The following CTNNA3 variants were observed in gnomAD, a reference collection of about 807,000 sequenced individuals.
CTNNA3 encodes the protein catenin alpha 3, also known as catenin alpha-3.
A neutral mutation model predicts 95.7 loss-of-function variants in CTNNA3; 76 were observed. The observed-to-expected ratio is 0.79, with a 90% confidence interval of 0.66 to 0.96. The LOEUF is 0.96. Ranked by LOEUF, CTNNA3 falls within the 40% of genes least tolerant of loss-of-function variation. CTNNA3 has a pLI of 0.00. For missense variants in CTNNA3, 1,191 were observed against 1,089.8 expected, an observed-to-expected ratio of 1.09 and a Z score of -1.31; for synonymous variants, 431 against 374.4, an observed-to-expected ratio of 1.15 and a Z score of -1.74.
intron 7 of CTNNA3, among the ~76,000 whole-genome samples, chr10:67,054,110 C>T (rs1325080370): frequency 2.0e-5 from 3 of 152,112 alleles, no homozygotes; most frequent in African/African-American, 7.2e-5. Flanking sequence ...GTATCCATCG[C>T]TCCTTTATAA....
intron 12 of CTNNA3, among the ~76,000 whole-genome samples, chr10:66,284,954 C>T (rs543209160): frequency 3.3e-4 from 50 of 151,744 alleles, no homozygotes; most frequent in African/African-American, 1.1e-3. Flanking sequence ...TCAATAAATG[C>T]TAATTATTGT....
intron 5 of CTNNA3, among the ~76,000 whole-genome samples, chr10:67,507,281 G>A (rs1839455307): frequency 6.6e-6 from 1 of 152,300 alleles, no homozygotes; most frequent in African/African-American, 2.4e-5. Context: ...TGTAATCCCA[G>A]CACTTTGGGA....
intron 5 of CTNNA3, among the ~76,000 whole-genome samples, chr10:67,385,621 A>G (rs184832241): frequency 7.9e-5 from 12 of 152,322 alleles, no homozygotes; most frequent in Admixed American, 7.2e-4. Context: ...AGAAGGAATC[A>G]TATATAGGAG....
At chr10:66,688,501 G>A (rs745328587) in intron 9 of CTNNA3, among the ~76,000 whole-genome samples, 1 of 152,086 alleles carries the variant, frequency 6.6e-6, no homozygotes, top group Admixed American at 6.5e-5. Flanking sequence ...TTAGGTCAAA[G>A]AACGAATGAT....
intron 12 of CTNNA3, among the ~76,000 whole-genome samples, chr10:66,293,406 T>A (rs909330927): frequency 1.3e-5 from 2 of 150,850 alleles, no homozygotes; most frequent in African/African-American, 4.9e-5. Flanking sequence ...GAGTTGAGAT[T>A]GTAATATCTA....
chr10:67,365,269 A>G (rs1376172657), intron 5 of CTNNA3, among the ~76,000 whole-genome samples: 3 of 152,174 alleles, frequency 2.0e-5, no homozygotes, highest in African/African-American at 7.2e-5. Flanking sequence ...CACCATAAAA[A>G]CCCTAGAAGA....
At chr10:67,277,085 T>C (rs1177793303) in intron 5 of CTNNA3, among the ~76,000 whole-genome samples, 1 of 152,192 alleles carries the variant, frequency 6.6e-6, no homozygotes, top group Non-Finnish European at 1.5e-5. Flanking sequence ...GTTACCTTTT[T>C]TCTAATTCAT....
chr10:67,412,507 T>C (rs1483059904), intron 5 of CTNNA3, among the ~76,000 whole-genome samples: 2 of 151,826 alleles, frequency 1.3e-5, no homozygotes, highest in African/African-American at 4.8e-5. Context: ...ATACAGAGAA[T>C]TTCAGCCAGA....
In CTNNA3 at chr10:67,269,519, T is replaced by C. The variant is rs147701566; in HGVS notation, c.580-49649A>G. ...CAAGCAACACATGCATTGAGCTCTGTAAACTCTGTTTATGTTATTAATCAG... is the reference window on the plus strand; with the variant it reads ...CAAGCAACACATGCATTGAGCTCTGCAAACTCTGTTTATGTTATTAATCAG... On this transcript the variant is annotated intron_variant, in intron 5 of 17. Transcript: ENST00000433211. Among the ~76,000 whole-genome samples the C allele has an allele frequency of 5.3e-4, 80 of 152,280 alleles. 1 individual carries two copies. The East Asian group carries it at 0.014, about 26-fold the overall frequency.
intron 15 of CTNNA3, among the ~76,000 whole-genome samples, chr10:66,027,930 AT>A (rs2079373736): frequency 6.6e-6 from 1 of 152,178 alleles, no homozygotes; most frequent in Non-Finnish European, 1.5e-5. Flanking sequence ...AATGTTGACA[AT>A]GACAGATTAA....
intron 10 of CTNNA3, among the ~76,000 whole-genome samples, chr10:66,621,064 A>T (rs990415842): frequency 2.0e-5 from 3 of 152,304 alleles, no homozygotes; most frequent in African/African-American, 7.2e-5. Flanking sequence ...CACTCTTCAG[A>T]TTTTAAGAAA....
intron 5 of CTNNA3, among the ~76,000 whole-genome samples, chr10:67,244,706 G>C (rs768855405): frequency 6.6e-6 from 1 of 152,248 alleles, no homozygotes; most frequent in East Asian, 1.9e-4. Context: ...AGCATGAAAA[G>C]CTTAAGAAAT....
intron 11 of CTNNA3, among the ~76,000 whole-genome samples, chr10:66,399,421 G>A (rs937010712): frequency 4.1e-4 from 63 of 151,882 alleles, no homozygotes; most frequent in African/African-American, 1.5e-3. Context: ...TAGCCTGAAT[G>A]ATAAACATAA....
intron 5 of CTNNA3, among the ~76,000 whole-genome samples, chr10:67,494,584 C>T (rs1408285952): frequency 2.0e-5 from 3 of 152,120 alleles, no homozygotes; most frequent in Admixed American, 1.3e-4. Flanking sequence ...ATTGTGGAGG[C>T]TATTTGGACC....
chr10:67,633,063 T>TG (rs1421568820), intron 2 of CTNNA3, among the ~76,000 whole-genome samples: 4 of 151,948 alleles, frequency 2.6e-5, no homozygotes, highest in Non-Finnish European at 5.9e-5. Flanking sequence ...AGAATACAAA[T>TG]GGTCCAGACA....
At chr10:66,463,311 T>C (rs1042671721) in intron 11 of CTNNA3, among the ~76,000 whole-genome samples, 1 of 152,106 alleles carries the variant, frequency 6.6e-6, no homozygotes, top group Non-Finnish European at 1.5e-5. Flanking sequence ...GAGGCTGGCA[T>C]CTCTCTCCCT....
chr10:67,718,329 T>C (rs1009248183), intron 1 of CTNNA3, among the ~76,000 whole-genome samples: 12 of 152,328 alleles, frequency 7.9e-5, no homozygotes, highest in African/African-American at 2.9e-4. Context: ...CTGATTGCCC[T>C]GGTCAGAACA....
At position 67,528,083 on chromosome 10, in the gene CTNNA3, C is replaced by A. The variant is rs564987399; in HGVS notation, c.460-6122G>T. Among the ~76,000 whole-genome samples, 196 of 152,174 alleles carry A rather than the reference C, an allele frequency of 1.3e-3. 1 individual carries two copies. The highest frequency in any genetic ancestry group is 4.3e-3 in the African/African-American group (180 of 41,530). ...CTTCTGACTCTTTTTGTTTCCAAAT[C>A]TCAAAAAATATTTAAAGGGCACTCA... is the stretch of plus-strand genomic sequence containing the variant. On this transcript the variant is annotated intron_variant, in intron 4 of 17. Coordinates refer to ENST00000433211, the MANE Select transcript of CTNNA3 (RefSeq NM_013266.4).
At chr10:67,413,132 C>T (rs901876814) in intron 5 of CTNNA3, among the ~76,000 whole-genome samples, 5 of 152,000 alleles carry the variant, frequency 3.3e-5, no homozygotes, top group South Asian at 2.1e-4. Flanking sequence ...ACAAACTCAA[C>T]GTAAAAGTAT....
Sources: gnomAD v4.1 joint callset for allele counts (sites outside exome capture counted in the v4.1 genomes callset) on GRCh38, gnomAD v4.1.1 for gene constraint, MANE v1.5 for transcripts, NCBI Gene and HGNC (gene_info 2026-07-23, HGNC 2026-07-21) for gene names.